Variants in FNTB observed in about 807,000 individuals in gnomAD.
FNTB encodes protein farnesyltransferase subunit beta.
Under a neutral mutation model 59.4 loss-of-function variants are expected in FNTB, and 27 were observed. The ratio of observed to expected loss-of-function variants is 0.45; its 90% CI spans 0.34 to 0.63. The LOEUF is 0.63. FNTB is among the 20% of genes least tolerant of loss of function. FNTB has a pLI of 0.02. For synonymous variants in FNTB, 230 were observed against 220.7 expected, an observed-to-expected ratio of 1.04 and a Z score of -0.37; for missense variants, 449 against 559.6, an observed-to-expected ratio of 0.80 and a Z score of 1.99.
chr14:65,051,253 AC>A (rs975871698), intron 9 of FNTB, among the ~76,000 whole-genome samples: 10 of 151,874 alleles, frequency 6.6e-5, no homozygotes, highest in African/African-American at 2.2e-4. Context: ...AACCTTGGAA[AC>A]CCTTTTCCTC....
Position 65,012,537 on chromosome 14 carries a change from C to A in FNTB, c.282+148C>A. The A allele has an allele frequency of 8.9e-7, 1 of 1,124,336 alleles. No homozygotes were observed. Among genetic ancestry groups the A allele is most frequent in the Non-Finnish European group, 1.3e-6 (1 of 792,556 alleles). The allele number at this position is 1,124,336 out of a possible 1,614,324, so 69.6% of individuals were successfully genotyped here. ...GCTCTGGCAGGAGGTAGGGTGCTGT[C>A]ACAGAGCTGGGACTCAGCCCTGAAA... On this transcript the variant is annotated intron_variant, in intron 3 of 11. Coordinates refer to ENST00000246166, the MANE Select transcript of FNTB (RefSeq NM_002028.4). This position sits in a 1 kb window ranked among gnomAD's most constrained non-coding sequence, Gnocchi z 5.0.
intron 1 of FNTB, chr14:64,987,672 A>C (rs907809467): frequency 1.2e-4 from 18 of 155,024 alleles, no homozygotes; most frequent in African/African-American, 3.9e-4. Flanking sequence ...GAAATAAAAC[A>C]GCTCCTGACC....
At chr14:65,049,110 G>C (rs1183978130) in intron 9 of FNTB, among the ~76,000 whole-genome samples, 2 of 144,706 alleles carry the variant, frequency 1.4e-5, no homozygotes, top group Non-Finnish European at 3.0e-5. Flanking sequence ...CTGGGTAACA[G>C]GGCAGGACTC....
chr14:64,987,137 T>C (rs1192096692), intron 1 of FNTB, 40 bp downstream of exon 1: 2 of 1,610,672 alleles, frequency 1.2e-6, no homozygotes, highest in African/African-American at 1.3e-5. Context: ...GCGCGATGTG[T>C]TCTGGGAGCG....
intron 7 of FNTB, among the ~76,000 whole-genome samples, chr14:65,040,283 GTA>G (rs570646451): frequency 0.01 from 1,500 of 146,996 alleles, 27 homozygotes; most frequent in African/African-American, 0.034. Context: ...ATATATGTGT[GTA>G]TATATATATA....
intron 1 of FNTB, among the ~76,000 whole-genome samples, chr14:64,995,748 T>A (rs1224431010): frequency 1.3e-5 from 2 of 149,260 alleles, no homozygotes; most frequent in Non-Finnish European, 3.0e-5. Context: ...TGTGTGCATA[T>A]AAGTGTATGT....
At chr14:65,048,683 T>A (rs985493011) in intron 9 of FNTB, among the ~76,000 whole-genome samples, 5 of 152,012 alleles carry the variant, frequency 3.3e-5, no homozygotes, top group Middle Eastern at 3.2e-3. Context: ...TGAGAGCTTG[T>A]CTCTACAAAA....
intron 3 of FNTB, 65 bp from the exon 4 acceptor site, chr14:65,015,560 C>A: frequency 6.4e-7 from 1 of 1,573,824 alleles, no homozygotes; most frequent in Non-Finnish European, 8.7e-7. Context: ...ACAGATACAG[C>A]CTTGGCAGCA....
At chr14:64,996,123 C>CAA (rs60137057) in intron 1 of FNTB, among the ~76,000 whole-genome samples, 3,081 of 82,456 alleles carry the variant, frequency 0.037, 93 homozygotes, top group African/African-American at 0.094. Flanking sequence ...AACTCTGTCT[C>CAA]AAAAAAAAAA....
At chr14:65,039,251 G>C (rs1427956891) in intron 7 of FNTB, among the ~76,000 whole-genome samples, 1 of 152,182 alleles carries the variant, frequency 6.6e-6, no homozygotes, top group Non-Finnish European at 1.5e-5. Flanking sequence ...CTAAATTCCT[G>C]CTTGGGGTAT....
At chr14:65,060,080 A>G (rs1217856690) in intron 11 of FNTB, among the ~76,000 whole-genome samples, 2 of 151,074 alleles carry the variant, frequency 1.3e-5, no homozygotes, top group Non-Finnish European at 3.0e-5. Context: ...TGATCCATCC[A>G]CCTCGGCCTC....
chr14:65,002,442 C>G (rs1594992980), intron 1 of FNTB, among the ~76,000 whole-genome samples: 1 of 152,082 alleles, frequency 6.6e-6, no homozygotes, highest in African/African-American at 2.4e-5. Context: ...AACCTCATCT[C>G]TACTAAAACT....
intron 7 of FNTB, among the ~76,000 whole-genome samples, chr14:65,040,579 T>TAC (rs1310083087): frequency 6.6e-6 from 1 of 150,652 alleles, no homozygotes. Context: ...CAGCTGGGAT[T>TAC]ACACATGGGT....
In FNTB at chr14:65,001,874, C is replaced by T. The variant is rs115105961; in HGVS notation, c.145-2375C>T. The stretch of plus-strand genomic sequence containing the variant: ...CTCCCAAGTCGGATTCTCATGGTGA[C>T]GTCAGTCTGTTTTTTGAAGTATTAT... On this transcript the variant is annotated intron_variant, in intron 1 of 11. Transcript: ENST00000246166. The surrounding 1 kb of genome is among the most constrained non-coding windows in gnomAD (Gnocchi z 5.5). Among the ~76,000 whole-genome samples the T allele has an allele frequency of 3.1e-4, 47 of 152,316 alleles. No homozygotes were observed. Among genetic ancestry groups the T allele is most frequent in the African/African-American group, 1.1e-3 (44 of 41,572 alleles).
At chr14:65,010,667 T>G (rs1289869654) in intron 2 of FNTB, among the ~76,000 whole-genome samples, 1 of 152,220 alleles carries the variant, frequency 6.6e-6, no homozygotes, top group Non-Finnish European at 1.5e-5. Flanking sequence ...TCTTTCCTCA[T>G]CTCAAAAACC....
chr14:65,057,411 C>T (rs567298686), intron 11 of FNTB, among the ~76,000 whole-genome samples: 4 of 152,134 alleles, frequency 2.6e-5, no homozygotes, highest in African/African-American at 9.6e-5. Context: ...AGAGTGAGAC[C>T]CTGCCCCCAG....
rs987847608 is a variant in FNTB at position 65,044,254 on chromosome 14, G to A, written c.823-57G>A. 2.8e-4 allele frequency: 445 copies of A among 1,606,332 alleles called. No individual in the cohort carries two copies. Among genetic ancestry groups the A allele is most frequent in the Non-Finnish European group, 3.3e-4 (392 of 1,176,938 alleles). ...CAGATTGACTCCTGGAGATTCTGTC[G>A]GGCTGGATTTTGTCTCTTTTAGCCT... On this transcript the variant is annotated intron_variant, in intron 8 of 11. Transcript: ENST00000246166. The surrounding 1 kb of genome is among the most constrained non-coding windows in gnomAD (Gnocchi z 5.5).
chr14:65,032,053 T>C lies in FNTB; in HGVS notation c.606-557T>C, dbSNP rs1160250447. Among the ~76,000 whole-genome samples the C allele has an allele frequency of 6.6e-6, 1 of 151,734 alleles. No homozygotes were observed. Among genetic ancestry groups the C allele is most frequent in the Non-Finnish European group, 1.5e-5 (1 of 67,990 alleles). ...GAGGTTTGAAATCAAGGCTCTTTTC[T>C]CCCTCTAGAGGTTTAAGGACTGTAT... On this transcript the variant is annotated intron_variant, in intron 6 of 11. Coordinates refer to ENST00000246166, the MANE Select transcript of FNTB (RefSeq NM_002028.4). This position sits in a 1 kb window ranked among gnomAD's most constrained non-coding sequence, Gnocchi z 5.0.
chr14:65,036,470 T>C (rs1242373804), intron 7 of FNTB, among the ~76,000 whole-genome samples: 2 of 151,476 alleles, frequency 1.3e-5, no homozygotes, highest in Non-Finnish European at 2.9e-5. Flanking sequence ...CCCCTGAGCT[T>C]AAGCAATCCG....
Sources: allele counts gnomAD v4.1 joint callset (sites outside exome capture counted in the v4.1 genomes callset), GRCh38; gene constraint gnomAD v4.1.1; non-coding constraint Gnocchi (gnomAD v3.1); transcripts MANE v1.5; gene names NCBI Gene and HGNC (gene_info 2026-07-23, HGNC 2026-07-21).